Variants in FOXP1 observed in about 807,000 individuals in gnomAD.
FOXP1 encodes forkhead box P1.
Under a neutral mutation model 98.2 loss-of-function variants are expected in FOXP1, and 15 were observed. The observed-to-expected ratio is 0.15, with a 90% CI of 0.10 to 0.24. The LOEUF is 0.24. Ranked by LOEUF, FOXP1 falls within the 10% of genes least tolerant of loss-of-function variation. The pLI, the probability that FOXP1 is intolerant of heterozygous loss-of-function variation, is 1.00. For synonymous variants in FOXP1, 371 were observed against 314.5 expected, an observed-to-expected ratio of 1.18 and a Z score of -1.90; for missense variants, 633 against 848.5, an observed-to-expected ratio of 0.75 and a Z score of 3.15.
At chr3:70,996,297 A>G (rs1229121712) in intron 13 of FOXP1, among the ~76,000 whole-genome samples, 1 of 152,154 alleles carries the variant, frequency 6.6e-6, no homozygotes, top group African/African-American at 2.4e-5. Context: ...CTCAAGTCAT[A>G]TTTTAAATAC....
At chr3:71,175,371 G>A (rs1056996641) in intron 6 of FOXP1, among the ~76,000 whole-genome samples, 9 of 152,190 alleles carry the variant, frequency 5.9e-5, no homozygotes, top group African/African-American at 9.7e-5. Flanking sequence ...ATGTGGCCAC[G>A]ATGACACCTT....
chr3:71,566,851 T>C (rs1247859068), intron 2 of FOXP1, among the ~76,000 whole-genome samples: 2 of 152,158 alleles, frequency 1.3e-5, no homozygotes, highest in African/African-American at 4.8e-5. Context: ...AAGTGTCTCC[T>C]TGAGCCTGGG....
intron 5 of FOXP1, among the ~76,000 whole-genome samples, chr3:71,292,330 A>G (rs2072842616): frequency 6.6e-6 from 1 of 152,204 alleles, no homozygotes; most frequent in Non-Finnish European, 1.5e-5. Context: ...ATTTTATTTT[A>G]CTTTTGATTT....
chr3:71,086,571 C>T (rs569930557), intron 7 of FOXP1, among the ~76,000 whole-genome samples: 2 of 152,146 alleles, frequency 1.3e-5, no homozygotes, highest in South Asian at 2.1e-4. Flanking sequence ...CCAGAGATAA[C>T]GGCTCCCATC....
intron 7 of FOXP1, among the ~76,000 whole-genome samples, chr3:71,096,304 T>C (rs531409695): frequency 3.9e-4 from 60 of 152,316 alleles, no homozygotes; most frequent in Middle Eastern, 6.8e-3. Flanking sequence ...AAAGCACTTA[T>C]GAAGGTTTTT....
chr3:71,061,536 T>A (rs1038639533), intron 7 of FOXP1, among the ~76,000 whole-genome samples: 3 of 152,190 alleles, frequency 2.0e-5, no homozygotes, highest in Admixed American at 6.5e-5. Flanking sequence ...TAATTTATTA[T>A]ACCTTGACAG....
At chr3:71,421,407 A>AT (rs930649625) in intron 3 of FOXP1, among the ~76,000 whole-genome samples, 1 of 152,158 alleles carries the variant, frequency 6.6e-6, no homozygotes, top group African/African-American at 2.4e-5. Context: ...TGGTTTCAAT[A>AT]TTTTTTCTGT....
intron 12 of FOXP1, among the ~76,000 whole-genome samples, chr3:71,002,509 T>G (rs1204464209): frequency 6.6e-6 from 1 of 152,194 alleles, no homozygotes; most frequent in Non-Finnish European, 1.5e-5. Flanking sequence ...CAGTTTCACA[T>G]GCTGCTCACT....
intron 4 of FOXP1, among the ~76,000 whole-genome samples, chr3:71,317,530 T>C (rs775691884): frequency 2.6e-5 from 4 of 152,048 alleles, no homozygotes; most frequent in Non-Finnish European, 4.4e-5. Flanking sequence ...CAACAAAAAA[T>C]ATTTTCCTTT....
intron 3 of FOXP1, among the ~76,000 whole-genome samples, chr3:71,386,094 C>T (rs1182967678): frequency 3.3e-5 from 5 of 152,302 alleles, no homozygotes; most frequent in South Asian, 2.1e-4. Flanking sequence ...CCGCCCAAAA[C>T]GTTAAGGATT....
At chr3:71,520,325 T>A (rs2042887032) in intron 2 of FOXP1, among the ~76,000 whole-genome samples, 3 of 152,230 alleles carry the variant, frequency 2.0e-5, no homozygotes, top group South Asian at 2.1e-4. Flanking sequence ...TATATCCATT[T>A]CTTAGCATAT....
intron 12 of FOXP1, 141 bp downstream of exon 12, chr3:71,015,408 G>C: frequency 3.1e-6 from 2 of 638,350 alleles, no homozygotes; most frequent in Admixed American, 4.3e-5. Flanking sequence ...CTATGACAGT[G>C]CACTAGACCT....
At position 71,536,923 on chromosome 3, in the gene FOXP1, G is replaced by A. The variant is rs918665954; in HGVS notation, c.-297-43368C>T. 6.6e-5 allele frequency among the ~76,000 whole-genome samples: 10 copies of A among 152,190 alleles called. No homozygotes were observed. The East Asian group carries it at 1.2e-3, about 18-fold the overall frequency. On this transcript the variant is annotated intron_variant, in intron 2 of 20. Coordinates refer to ENST00000649528, the MANE Select transcript of FOXP1 (RefSeq NM_001349338.3). The stretch of plus-strand genomic sequence containing the variant: ...GCAGAATAGCAGCGATGACGGCCAC[G>A]CAGAGATGTAGAAGTGACTTAACAC...
At chr3:71,534,113 C>A (rs1227364440) in intron 2 of FOXP1, among the ~76,000 whole-genome samples, 1 of 152,242 alleles carries the variant, frequency 6.6e-6, no homozygotes, top group Non-Finnish European at 1.5e-5. Flanking sequence ...CCTGTAATCT[C>A]AGCAATTTGG....
At chr3:71,523,206 G>C (rs970433412) in intron 2 of FOXP1, among the ~76,000 whole-genome samples, 2 of 152,168 alleles carry the variant, frequency 1.3e-5, no homozygotes, top group African/African-American at 4.8e-5. Flanking sequence ...CCCCTGCCAG[G>C]AGGTAGGAGA....
At chr3:71,539,916 G>C (rs1465542579) in intron 2 of FOXP1, among the ~76,000 whole-genome samples, 1 of 152,172 alleles carries the variant, frequency 6.6e-6, no homozygotes, top group East Asian at 1.9e-4. Context: ...AGCTTCATGA[G>C]AGCACAAATA....
chr3:71,154,742 G>C (rs923696573), intron 6 of FOXP1, among the ~76,000 whole-genome samples: 1 of 152,198 alleles, frequency 6.6e-6, no homozygotes, highest in Non-Finnish European at 1.5e-5. Flanking sequence ...TTTTGGGATT[G>C]TTGTGAGGAT....
chr3:71,559,797 T>C (rs2046400903), intron 2 of FOXP1, among the ~76,000 whole-genome samples: 1 of 151,980 alleles, frequency 6.6e-6, no homozygotes, highest in Non-Finnish European at 1.5e-5. Flanking sequence ...CAGTGAGCCG[T>C]GATTGCATCA....
rs72953366 is a variant in FOXP1 at position 71,250,027 on chromosome 3, G to C, written c.-12+49793C>G. Reference sequence around the variant, plus strand: ...TATAAAGAGAATTGCTTTAAAACTTGAACTGAGGAGCTGGGGGCCACAGAA... The same window carrying C: ...TATAAAGAGAATTGCTTTAAAACTTCAACTGAGGAGCTGGGGGCCACAGAA... On this transcript the variant is annotated intron_variant, in intron 5 of 20. Coordinates refer to ENST00000649528, the MANE Select transcript of FOXP1 (RefSeq NM_001349338.3). Among the ~76,000 whole-genome samples, 1,161 of 152,306 alleles carry C rather than the reference G, an allele frequency of 7.6e-3. 23 individuals carry two copies. The highest frequency in any genetic ancestry group is 0.026 in the African/African-American group (1,087 of 41,550).
Sources: allele counts gnomAD v4.1 joint callset (sites outside exome capture counted in the v4.1 genomes callset), GRCh38; gene constraint gnomAD v4.1.1; transcripts MANE v1.5; gene names NCBI Gene and HGNC (gene_info 2026-07-23, HGNC 2026-07-21).